ONECUT1: variants seen among roughly 807,000 people sequenced by gnomAD.
ONECUT1 encodes the protein hepatocyte nuclear factor 6.
ONECUT1 carries 12 observed loss-of-function variants against 25.6 expected under a neutral mutation model. That is an observed-to-expected ratio of 0.47 (90% CI 0.30 to 0.76). The LOEUF (loss-of-function observed/expected upper bound fraction) is 0.76, where lower values mean the gene tolerates loss of function less well. Among genes scored for constraint, ONECUT1 ranks in the 30% least tolerant of loss-of-function variants. The pLI is 0.07. For missense variants in ONECUT1, 620 were observed against 651.2 expected, an observed-to-expected ratio of 0.95 and a Z score of 0.52; for synonymous variants, 285 against 270.2, an observed-to-expected ratio of 1.05 and a Z score of -0.54.
intron 1 of ONECUT1, among the ~76,000 whole-genome samples, chr15:52,777,718 A>ACG (rs2083810092): frequency 8.8e-6 from 1 of 113,682 alleles, no homozygotes; most frequent in African/African-American, 5.8e-5. Flanking sequence ...ACACACACAC[A>ACG]CACACACACA....
chr15:52,775,183 G>A (rs887181304), intron 1 of ONECUT1, among the ~76,000 whole-genome samples: 1 of 93,162 alleles, frequency 1.1e-5, no homozygotes, highest in East Asian at 3.6e-4. Context: ...GAGCAAGACT[G>A]TCTAAAAAAA....
Position 52,788,886 on chromosome 15 carries a change from G to A in ONECUT1, c.999C>T (p.Asn333=). Residue 333 remains asparagine, a synonymous_variant, in exon 1 of 2, where the codon AAC becomes AAT. Transcript: ENST00000305901. This position sits in a 1 kb window ranked among gnomAD's most constrained non-coding sequence, Gnocchi z 4.3. ...SQGTLSDLLR[N]PKPWSKLKSG... ...ATTTGAGTTTGCTCCAGGGTTTGGGGTTGCGCAGCAGGTCCGAGAGGGTCC... is the reference window on the plus strand; with the variant it reads ...ATTTGAGTTTGCTCCAGGGTTTGGGATTGCGCAGCAGGTCCGAGAGGGTCC... 6.2e-7 allele frequency: 1 copy of A among 1,614,184 alleles called. No homozygotes were observed. Among genetic ancestry groups the A allele is most frequent in the South Asian group, 1.1e-5 (1 of 91,086 alleles).
At chr15:52,775,107 T>C (rs1429380195) in intron 1 of ONECUT1, among the ~76,000 whole-genome samples, 1 of 151,746 alleles carries the variant, frequency 6.6e-6, no homozygotes, top group Non-Finnish European at 1.5e-5. Flanking sequence ...GGAGAATCAC[T>C]TGAACCCAGG....
intron 1 of ONECUT1, among the ~76,000 whole-genome samples, chr15:52,761,270 C>T (rs1002181314): frequency 6.6e-6 from 1 of 152,154 alleles, no homozygotes; most frequent in African/African-American, 2.4e-5. Context: ...CTTCACCACC[C>T]CCAGGGGGAT....
At position 52,789,054 on chromosome 15, in the gene ONECUT1, G is replaced by T. The variant is rs35138937; in HGVS notation, c.831C>A (p.Gly277=). The T allele has an allele frequency of 2.5e-6, 4 of 1,603,228 alleles. No individual in the cohort carries two copies. Among genetic ancestry groups the T allele is most frequent in the Non-Finnish European group, 1.7e-6 (2 of 1,179,976 alleles). ...AATTACTTCCATTGCTGACCTGCGCGCCGGTCACCGAAGGGTTGGGCTCCC... is the reference window on the plus strand; with the variant it reads ...AATTACTTCCATTGCTGACCTGCGCTCCGGTCACCGAAGGGTTGGGCTCCC... The part of the protein sequence containing the change: ...TAREPNPSVT[G]AQVSNGSNSG... Residue 277 remains glycine (G), a synonymous_variant, in exon 1 of 2, where the codon GGC becomes GGA. Coordinates refer to ENST00000305901, the MANE Select transcript of ONECUT1 (RefSeq NM_004498.4). The surrounding 1 kb of genome is among the most constrained non-coding windows in gnomAD (Gnocchi z 4.1).
At chr15:52,780,894 C>T in intron 1 of ONECUT1, 1 of 1,317,110 alleles carries the variant, frequency 7.6e-7, no homozygotes, top group Non-Finnish European at 9.7e-7. Flanking sequence ...CCCGTGGCGG[C>T]ATATGCAAAG....
intron 1 of ONECUT1, among the ~76,000 whole-genome samples, chr15:52,786,853 A>G: frequency 7.0e-6 from 1 of 142,890 alleles, no homozygotes; most frequent in African/African-American, 2.6e-5. Flanking sequence ...GGGGTGGGGG[A>G]TGGGGACCGA....
At chr15:52,787,482 C>G (rs1467680048) in intron 1 of ONECUT1, among the ~76,000 whole-genome samples, 1 of 152,090 alleles carries the variant, frequency 6.6e-6, no homozygotes, top group South Asian at 2.1e-4. Context: ...TCAGTGCCCC[C>G]GGCTCAGAGC....
In ONECUT1 at chr15:52,789,270, G is replaced by A; in HGVS notation, c.615C>T (p.Ala205=). 1 of 1,547,284 alleles carries A rather than the reference G, an allele frequency of 6.5e-7. No homozygotes were observed. The highest frequency in any genetic ancestry group is 8.7e-7 in the Non-Finnish European group (1 of 1,147,132). ...QGLPHYAHPG[A]AMPTDKMLTP... is the part of the protein sequence containing the mutation. ...TGAGCATCTTGTCGGTGGGCATGGCGGCCCCCGGGTGGGCATAGTGGGGGA... is the reference window on the plus strand; with the variant it reads ...TGAGCATCTTGTCGGTGGGCATGGCAGCCCCCGGGTGGGCATAGTGGGGGA... Residue 205 remains alanine, a synonymous_variant, in exon 1 of 2, where the codon GCC becomes GCT. Transcript: ENST00000305901. This position sits in a 1 kb window ranked among gnomAD's most constrained non-coding sequence, Gnocchi z 4.1.
intron 1 of ONECUT1, among the ~76,000 whole-genome samples, chr15:52,786,847 T>TG: frequency 2.9e-5 from 1 of 34,032 alleles, no homozygotes; most frequent in Middle Eastern, 0.016. Context: ...GGGGCGGGGG[T>TG]GGGGGATGGG....
At chr15:52,778,995 CTTT>C (rs547428108) in intron 1 of ONECUT1, among the ~76,000 whole-genome samples, 2 of 141,118 alleles carry the variant, frequency 1.4e-5, no homozygotes, top group Admixed American at 7.2e-5. Context: ...AGAGGGTTTT[CTTT>C]TTTTTTTTTT....
intron 1 of ONECUT1, among the ~76,000 whole-genome samples, chr15:52,780,148 G>A (rs1371129896): frequency 6.6e-6 from 1 of 152,174 alleles, no homozygotes; most frequent in East Asian, 1.9e-4. Flanking sequence ...ACGTCTGCAG[G>A]CAGATGCTAA....
At position 52,757,501 on chromosome 15, in the gene ONECUT1, A is replaced by C; in HGVS notation, c.*54T>G. 1 of 1,542,178 alleles carries C rather than the reference A, an allele frequency of 6.5e-7. No individual in the cohort carries two copies. The highest frequency in any genetic ancestry group is 1.3e-5 in the South Asian group (1 of 78,052). ...TATCTTGAGGTCCTGGTCTTTTAAA[A>C]ATTTTTTTTAATTTAAAGCTTTTCC... On this transcript the variant is annotated 3_prime_UTR_variant, in exon 2 of 2. Coordinates refer to ENST00000305901, the MANE Select transcript of ONECUT1 (RefSeq NM_004498.4).
chr15:52,784,885 C>T lies in ONECUT1; in HGVS notation c.1105+3895G>A, dbSNP rs553788916. ...CGGAGGAGGCGCTCCCAGCTGGCGG[C>T]GCCCCTCGCCCCGGGCTCAGAGGCG... On this transcript the variant is annotated intron_variant, in intron 1 of 1. Coordinates refer to ENST00000305901, the MANE Select transcript of ONECUT1 (RefSeq NM_004498.4). The surrounding 1 kb of genome is among the most constrained non-coding windows in gnomAD (Gnocchi z 5.0). Among the ~76,000 whole-genome samples the T allele has an allele frequency of 4.6e-5, 7 of 152,348 alleles. No homozygotes were observed. Among genetic ancestry groups the T allele is most frequent in the Admixed American group, 3.3e-4 (5 of 15,310 alleles).
chr15:52,789,794 T>C lies in ONECUT1; in HGVS notation c.91A>G (p.Ser31Gly). 2 of 1,468,200 alleles carry C rather than the reference T, an allele frequency of 1.4e-6. No homozygotes were observed. Among genetic ancestry groups the C allele is most frequent in the East Asian group, 2.8e-5 (1 of 35,980 alleles). 90.9% of individuals were successfully genotyped at this position (1,468,200 alleles called of 1,614,324 possible). ...GCCACGGAGCTGCGCGCGTGGGGGCTGCCGCCCAGCAGGTCGGCAGGGGCG... is the reference window on the plus strand; with the variant it reads ...GCCACGGAGCTGCGCGCGTGGGGGCCGCCGCCCAGCAGGTCGGCAGGGGCG... ...VPAPADLLGG[S>G]PHARSSVAHR... is the part of the protein sequence containing the mutation. The change falls in exon 1 of 2, where the codon AGC becomes GGC. Residue 31 changes from serine (S) to glycine (G), a missense_variant. This residue lies in a region of ONECUT1 where 440 missense variants were observed against 404.9 expected (regional missense o/e 1.09). Coordinates refer to ENST00000305901, the MANE Select transcript of ONECUT1 (RefSeq NM_004498.4). The surrounding 1 kb of genome is among the most constrained non-coding windows in gnomAD (Gnocchi z 4.1).
At chr15:52,776,931 A>C (rs1370207188) in intron 1 of ONECUT1, among the ~76,000 whole-genome samples, 1 of 152,182 alleles carries the variant, frequency 6.6e-6, no homozygotes, top group Admixed American at 6.5e-5. Context: ...GTCTTGCTGA[A>C]ATGCAGATTC....
chr15:52,777,553 A>C (rs1032044586), intron 1 of ONECUT1, among the ~76,000 whole-genome samples: 9 of 152,092 alleles, frequency 5.9e-5, no homozygotes, highest in Non-Finnish European at 1.2e-4. Flanking sequence ...CTCTTCTACA[A>C]AAGGAGTTTA....
intron 1 of ONECUT1, among the ~76,000 whole-genome samples, chr15:52,777,769 C>T (rs1185751982): frequency 6.8e-6 from 1 of 147,562 alleles, no homozygotes; most frequent in African/African-American, 2.6e-5. Flanking sequence ...TGTTCTCTTC[C>T]CTGCTAGACT....
chr15:52,779,377 C>A (rs763726573), intron 1 of ONECUT1, among the ~76,000 whole-genome samples: 1 of 152,036 alleles, frequency 6.6e-6, no homozygotes, highest in African/African-American at 2.4e-5. Context: ...CGTGAGCCAC[C>A]GTGCCTGGCC....
Sources: gnomAD v4.1 joint callset for allele counts (sites outside exome capture counted in the v4.1 genomes callset) on GRCh38, gnomAD v4.1.1 for gene constraint, gnomAD v4.1.1 regional missense constraint, Gnocchi (gnomAD v3.1) non-coding constraint, MANE v1.5 for transcripts, NCBI Gene and HGNC (gene_info 2026-07-23, HGNC 2026-07-21) for gene names.